Variants in TMEM170B observed in about 807,000 individuals in gnomAD.
TMEM170B encodes transmembrane protein 170B.
TMEM170B carries 6 observed loss-of-function variants against 13.0 expected under a neutral mutation model. The observed-to-expected ratio is 0.46, with a 90% CI of 0.25 to 0.91. The LOEUF (loss-of-function observed/expected upper bound fraction) is 0.91, where lower values mean the gene tolerates loss of function less well. Among genes scored for constraint, TMEM170B ranks in the 40% least tolerant of loss-of-function variants. TMEM170B has a pLI of 0.17. For missense variants in TMEM170B, 138 were observed against 165.2 expected (o/e 0.84, Z 0.90); for synonymous variants, 61 against 64.9 (o/e 0.94, Z 0.29).
At chr6:11,569,318 G>A (rs560597284) in intron 2 of TMEM170B, among the ~76,000 whole-genome samples, 54 of 152,048 alleles carry the variant, frequency 3.6e-4, no homozygotes, top group African/African-American at 1.2e-3. Flanking sequence ...CAACTGAAAG[G>A]GTTTTTGTCT....
intron 1 of TMEM170B, among the ~76,000 whole-genome samples, chr6:11,552,819 A>G (rs1366230929): frequency 6.6e-6 from 1 of 152,188 alleles, no homozygotes; most frequent in African/African-American, 2.4e-5. Flanking sequence ...CACAGTCTCT[A>G]TGGTATAGTA....
intron 2 of TMEM170B, among the ~76,000 whole-genome samples, chr6:11,567,636 G>A (rs1281265016): frequency 6.6e-6 from 1 of 152,142 alleles, no homozygotes; most frequent in Non-Finnish European, 1.5e-5. Flanking sequence ...GTTATCTTGT[G>A]TTAAGTTTTT....
rs138002076 is a variant in TMEM170B at position 11,569,762 on chromosome 6, A to G, written c.268+3926A>G. On this transcript the variant is annotated intron_variant, in intron 2 of 2. Transcript: ENST00000379426. ...TAGTAAATCAGTTTTTATCATGCCA[A>G]ACACTAAAAAATTCATCATTTCCTT... is the stretch of plus-strand genomic sequence containing the variant. Among the ~76,000 whole-genome samples, 515 of 152,274 alleles carry G rather than the reference A, an allele frequency of 3.4e-3. 1 individual carries two copies. Among genetic ancestry groups the G allele is most frequent in the African/African-American group, 0.012 (499 of 41,562 alleles).
At position 11,583,439 on chromosome 6, in the gene TMEM170B, A is replaced by G. The variant is rs1261175386; in HGVS notation, c.*7878A>G. On this transcript the variant is annotated 3_prime_UTR_variant, in exon 3 of 3. Transcript: ENST00000379426. ...ATTACACAGAATTTATTGGATTAAA[A>G]ATTTGTAATATACAGTATTTTAATA... The G allele has an allele frequency of 6.6e-6, 1 of 152,200 alleles. No individual in the cohort carries two copies. The highest frequency in any genetic ancestry group is 2.4e-5 in the African/African-American group (1 of 41,448). 9.4% of individuals were successfully genotyped at this position (152,200 alleles called of 1,614,324 possible).
At chr6:11,539,467 G>C (rs1245637313) in intron 1 of TMEM170B, among the ~76,000 whole-genome samples, 1 of 152,012 alleles carries the variant, frequency 6.6e-6, no homozygotes, top group South Asian at 2.1e-4. Flanking sequence ...ATAAAGTCTG[G>C]CATGGTATAG....
intron 1 of TMEM170B, among the ~76,000 whole-genome samples, chr6:11,544,684 G>A (rs945257925): frequency 3.3e-5 from 5 of 152,076 alleles, no homozygotes; most frequent in Admixed American, 1.3e-4. Context: ...TCGAAACCCC[G>A]TATCTGTCAC....
At chr6:11,573,402 TGAC>T (rs1304310877) in intron 2 of TMEM170B, among the ~76,000 whole-genome samples, 1 of 152,192 alleles carries the variant, frequency 6.6e-6, no homozygotes, top group African/African-American at 2.4e-5. Context: ...TTTACTACTA[TGAC>T]GACTACTAGC....
intron 1 of TMEM170B, among the ~76,000 whole-genome samples, chr6:11,545,085 A>G (rs952553428): frequency 2.6e-5 from 4 of 152,136 alleles, no homozygotes; most frequent in African/African-American, 9.7e-5. Flanking sequence ...ATCCCAGTAT[A>G]AATGCAAAAC....
At chr6:11,546,481 G>A (rs892895805) in intron 1 of TMEM170B, among the ~76,000 whole-genome samples, 2 of 152,162 alleles carry the variant, frequency 1.3e-5, no homozygotes, top group African/African-American at 4.8e-5. Context: ...TGTTTATAAA[G>A]TCTACAGCAG....
At chr6:11,572,971 G>GT (rs1189501091) in intron 2 of TMEM170B, among the ~76,000 whole-genome samples, 4 of 152,064 alleles carry the variant, frequency 2.6e-5, no homozygotes, top group African/African-American at 9.7e-5. Flanking sequence ...ACTTCATATA[G>GT]TTTATCTCCA....
At chr6:11,547,874 A>G (rs987066371) in intron 1 of TMEM170B, among the ~76,000 whole-genome samples, 2 of 152,194 alleles carry the variant, frequency 1.3e-5, no homozygotes, top group African/African-American at 4.8e-5. Context: ...TTTAATATTA[A>G]CTATGATAAT....
At chr6:11,570,440 GAGCAT>G (rs1759785214) in intron 2 of TMEM170B, among the ~76,000 whole-genome samples, 1 of 152,006 alleles carries the variant, frequency 6.6e-6, no homozygotes, top group South Asian at 2.1e-4. Context: ...GTAAAATACA[GAGCAT>G]AATAGAAGAA....
intron 2 of TMEM170B, among the ~76,000 whole-genome samples, chr6:11,568,321 G>T (rs1561688438): frequency 6.6e-6 from 1 of 152,160 alleles, no homozygotes; most frequent in Non-Finnish European, 1.5e-5. Context: ...AAACAGATAT[G>T]AAAGGGGCTG....
rs1444538933 is a variant in TMEM170B, at chr6:11,580,799, G to C, written c.*5238G>C. 6.6e-6 allele frequency: 1 copy of C among 152,214 alleles called. No individual in the cohort carries two copies. The highest frequency in any genetic ancestry group is 1.5e-5 in the Non-Finnish European group (1 of 68,042). 9.4% of individuals were successfully genotyped at this position (152,214 alleles called of 1,614,324 possible). A position where few individuals can be genotyped will look rare whatever the true frequency, so the allele number is the denominator to read the frequency against. On this transcript the variant is annotated 3_prime_UTR_variant, in exon 3 of 3. Transcript: ENST00000379426. The stretch of plus-strand genomic sequence containing the variant: ...CAAAGCGCCCTACATCCTGTGTTTT[G>C]TTAGGACTAGAAACTATACTGGATG...
At chr6:11,544,856 A>C (rs1260527478) in intron 1 of TMEM170B, among the ~76,000 whole-genome samples, 1 of 152,222 alleles carries the variant, frequency 6.6e-6, no homozygotes, top group East Asian at 1.9e-4. Flanking sequence ...CTTTGAATAT[A>C]TTCTAAATTC....
intron 2 of TMEM170B, among the ~76,000 whole-genome samples, chr6:11,571,357 C>T (rs1349333624): frequency 6.6e-6 from 1 of 152,060 alleles, no homozygotes; most frequent in Non-Finnish European, 1.5e-5. Flanking sequence ...TCAGGAAATA[C>T]ACAGGGCAGA....
rs1759976370 is a variant in TMEM170B, at chr6:11,582,886, C to T, written c.*7325C>T. 6.6e-6 allele frequency: 1 copy of T among 152,076 alleles called. No individual in the cohort carries two copies. Among genetic ancestry groups the T allele is most frequent in the Non-Finnish European group, 1.5e-5 (1 of 67,978 alleles). The allele number at this position is 152,076 out of a possible 1,614,324, so 9.4% of individuals were successfully genotyped here. On this transcript the variant is annotated 3_prime_UTR_variant, in exon 3 of 3. Transcript: ENST00000379426. ...ATAAACTATATGAGTATGTGTACTG[C>T]ATGTTTACATAAAACAGTTTAATTT...
intron 2 of TMEM170B, among the ~76,000 whole-genome samples, chr6:11,568,622 C>G (rs1306385870): frequency 6.6e-6 from 1 of 152,056 alleles, no homozygotes. Flanking sequence ...AAATGTAAGT[C>G]TGACACAATT....
intron 1 of TMEM170B, among the ~76,000 whole-genome samples, chr6:11,541,520 C>T (rs1759360811): frequency 6.6e-6 from 1 of 152,178 alleles, no homozygotes; most frequent in Non-Finnish European, 1.5e-5. Context: ...TAGGCTTTGG[C>T]TTAGGGGAGT....
Sources: allele counts gnomAD v4.1 joint callset (sites outside exome capture counted in the v4.1 genomes callset), GRCh38; gene constraint gnomAD v4.1.1; transcripts MANE v1.5; gene names NCBI Gene and HGNC (gene_info 2026-07-23, HGNC 2026-07-21).